TMTC1: variants seen among roughly 807,000 people sequenced by gnomAD.
TMTC1 encodes transmembrane O-mannosyltransferase targeting cadherins 1.
TMTC1 carries 73 observed loss-of-function variants against 104.8 expected under a neutral mutation model. The observed-to-expected ratio is 0.70, with a 90% confidence interval of 0.58 to 0.85. The LOEUF is 0.85. Ranked by LOEUF, TMTC1 falls within the 40% of genes least tolerant of loss-of-function variation. TMTC1 has a pLI of 0.00. For synonymous variants in TMTC1, 434 were observed against 428.7 expected (o/e 1.01, Z -0.15); for missense variants, 1,035 against 1,096.1 (o/e 0.94, Z 0.79).
At chr12:29,728,998 C>CAA (rs34267484) in intron 5 of TMTC1, among the ~76,000 whole-genome samples, 1,319 of 68,698 alleles carry the variant, frequency 0.019, 33 homozygotes, top group Middle Eastern at 0.03. Flanking sequence ...ACTCCATCTC[C>CAA]AAAAAAAAAA....
At chr12:29,616,056 C>G (rs923134145) in intron 6 of TMTC1, among the ~76,000 whole-genome samples, 33 of 152,288 alleles carry the variant, frequency 2.2e-4, no homozygotes, top group African/African-American at 5.5e-4. Context: ...TCATGATACG[C>G]CCCTTTTGGA....
chr12:29,710,823 T>C lies in TMTC1; in HGVS notation c.938+40843A>G, dbSNP rs1941889115. On this transcript the variant is annotated intron_variant, in intron 5 of 17. Coordinates refer to ENST00000539277, the MANE Select transcript of TMTC1 (RefSeq NM_001193451.2). ...AATGTATTTATATATAATATAATGT[T>C]TATATAATATAAATATATTAATAAT... 5.1e-5 allele frequency among the ~76,000 whole-genome samples: 7 copies of C among 136,344 alleles called. No homozygotes were observed. The South Asian group carries it at 1.5e-3, about 29-fold the overall frequency. The allele number at this position is 136,344 out of a possible 152,430, so 89.4% of individuals were successfully genotyped here.
At chr12:29,695,032 C>T (rs1459168140) in intron 5 of TMTC1, among the ~76,000 whole-genome samples, 1 of 152,190 alleles carries the variant, frequency 6.6e-6, no homozygotes, top group Non-Finnish European at 1.5e-5. Context: ...GGCAGGGCCA[C>T]ACTCCCTCTG....
At chr12:29,605,876 TCA>T (rs1300389252) in intron 6 of TMTC1, among the ~76,000 whole-genome samples, 1 of 152,166 alleles carries the variant, frequency 6.6e-6, no homozygotes, top group Non-Finnish European at 1.5e-5. Flanking sequence ...CTCCCTCCTT[TCA>T]GAGTCTCCAA....
intron 6 of TMTC1, among the ~76,000 whole-genome samples, chr12:29,609,342 T>G (rs749626757): frequency 3.9e-5 from 6 of 152,226 alleles, no homozygotes; most frequent in Non-Finnish European, 7.3e-5. Context: ...TTTGCCAGGC[T>G]GACAGCTAGT....
chr12:29,522,617 A>G (rs1016321384), intron 11 of TMTC1, among the ~76,000 whole-genome samples: 1 of 152,012 alleles, frequency 6.6e-6, no homozygotes, highest in African/African-American at 2.4e-5. Flanking sequence ...GAAATTATAT[A>G]ACAACCTGAG....
At chr12:29,631,368 T>G (rs1938288281) in intron 6 of TMTC1, among the ~76,000 whole-genome samples, 1 of 152,206 alleles carries the variant, frequency 6.6e-6, no homozygotes, top group South Asian at 2.1e-4. Context: ...GAAATTTTGG[T>G]GTAATTTGCT....
chr12:29,536,776 G>A (rs1944657564), intron 10 of TMTC1, among the ~76,000 whole-genome samples: 1 of 582 alleles, frequency 1.7e-3, no homozygotes, highest in Non-Finnish European at 0.011. Context: ...GAACAAACCA[G>A]GCCAAACTGC....
chr12:29,588,540 C>A (rs1410983671), intron 7 of TMTC1, among the ~76,000 whole-genome samples: 2 of 152,154 alleles, frequency 1.3e-5, no homozygotes, highest in Non-Finnish European at 2.9e-5. Flanking sequence ...TAACTATGTA[C>A]CTAACACTAT....
chr12:29,545,600 T>C (rs922346159), intron 10 of TMTC1, among the ~76,000 whole-genome samples: 1 of 145,702 alleles, frequency 6.9e-6, no homozygotes, highest in Non-Finnish European at 1.5e-5. Context: ...CCCACTGCAC[T>C]CCAGTCTGGG....
At chr12:29,672,514 A>T (rs1233076960) in intron 5 of TMTC1, among the ~76,000 whole-genome samples, 1 of 152,116 alleles carries the variant, frequency 6.6e-6, no homozygotes, top group Non-Finnish European at 1.5e-5. Context: ...ACTGGAACAT[A>T]GGCTGGGGTT....
chr12:29,646,324 T>C (rs1939266331), intron 5 of TMTC1, among the ~76,000 whole-genome samples: 1 of 152,200 alleles, frequency 6.6e-6, no homozygotes, highest in Non-Finnish European at 1.5e-5. Context: ...GTAGAATCCT[T>C]AAATAAAAGC....
chr12:29,605,990 G>A (rs1309307609), intron 6 of TMTC1, among the ~76,000 whole-genome samples: 3 of 152,114 alleles, frequency 2.0e-5, no homozygotes, highest in African/African-American at 4.8e-5. Context: ...GTGTTAATTC[G>A]CTCAGGATAA....
In TMTC1 at chr12:29,502,857, C is replaced by T. The variant is rs940075569; in HGVS notation, c.*3989G>A. ...GCCAGGATGATTCAACCGAAGATTC[C>T]GAAAGGTCCTCAGGTGATTCCAAAG... On this transcript the variant is annotated 3_prime_UTR_variant, in exon 18 of 18. Transcript: ENST00000539277. 6.6e-6 allele frequency: 1 copy of T among 152,162 alleles called. No homozygotes were observed. The highest frequency in any genetic ancestry group is 1.9e-4 in the East Asian group (1 of 5,196). The allele number at this position is 152,162 out of a possible 1,614,324, so 9.4% of individuals were successfully genotyped here. A position where few individuals can be genotyped will look rare whatever the true frequency, so the allele number is the denominator to read the frequency against.
chr12:29,690,293 G>A (rs1437581223), intron 5 of TMTC1, among the ~76,000 whole-genome samples: 1 of 152,188 alleles, frequency 6.6e-6, no homozygotes, highest in African/African-American at 2.4e-5. Flanking sequence ...CTTATGAGAT[G>A]AGACGGAAGG....
chr12:29,775,756 G>T (rs1404042933), intron 1 of TMTC1, among the ~76,000 whole-genome samples: 1 of 152,076 alleles, frequency 6.6e-6, no homozygotes, highest in Non-Finnish European at 1.5e-5. Context: ...CCTCCTAGGA[G>T]GTTGAGATAT....
chr12:29,509,268 GT>G (rs1274814071), intron 17 of TMTC1, among the ~76,000 whole-genome samples: 2 of 152,178 alleles, frequency 1.3e-5, no homozygotes, highest in Non-Finnish European at 2.9e-5. Flanking sequence ...GATAAAAAAT[GT>G]ATTATAATTT....
intron 5 of TMTC1, among the ~76,000 whole-genome samples, chr12:29,684,393 ATTTAG>A (rs1941025659): frequency 6.6e-6 from 1 of 152,192 alleles, no homozygotes; most frequent in African/African-American, 2.4e-5. Flanking sequence ...GAGGAAATAT[ATTTAG>A]TTTATCTCAT....
At chr12:29,740,537 A>G (rs774759048) in intron 5 of TMTC1, among the ~76,000 whole-genome samples, 22 of 152,214 alleles carry the variant, frequency 1.4e-4, no homozygotes, top group Non-Finnish European at 2.8e-4. Context: ...CTCAGCTTGC[A>G]GACAGCCTAT....
Sources: allele counts gnomAD v4.1 joint callset (sites outside exome capture counted in the v4.1 genomes callset), GRCh38; gene constraint gnomAD v4.1.1; transcripts MANE v1.5; gene names NCBI Gene and HGNC (gene_info 2026-07-23, HGNC 2026-07-21).